CAPRIN1: variants seen among roughly 807,000 people sequenced by gnomAD.
CAPRIN1 encodes the protein caprin-1.
In CAPRIN1, 29 loss-of-function variants were observed where a neutral mutation model predicts 100.9. The observed-to-expected ratio is 0.29, with a 90% CI of 0.21 to 0.39. The LOEUF (loss-of-function observed/expected upper bound fraction) is 0.39, where lower values mean the gene tolerates loss of function less well. Ranked by LOEUF, CAPRIN1 falls within the 10% of genes least tolerant of loss-of-function variation. CAPRIN1 has a pLI of 1.00. For synonymous variants in CAPRIN1, 338 were observed against 307.5 expected, an observed-to-expected ratio of 1.10 and a Z score of -1.04; for missense variants, 795 against 876.7, an observed-to-expected ratio of 0.91 and a Z score of 1.18.
In CAPRIN1 at chr11:34,100,184, T is replaced by C. The variant is rs1387691300; in HGVS notation, c.*817T>C. 3 of 148,860 alleles carry C rather than the reference T, an allele frequency of 2.0e-5. No individual in the cohort carries two copies. The highest frequency in any genetic ancestry group is 5.2e-5 in the African/African-American group (2 of 38,272). The allele number at this position is 148,860 out of a possible 1,614,324, so 9.2% of individuals were successfully genotyped here. A position where few individuals can be genotyped will look rare whatever the true frequency, so the allele number is the denominator to read the frequency against. On this transcript the variant is annotated 3_prime_UTR_variant, in exon 19 of 19. Coordinates refer to ENST00000341394, the MANE Select transcript of CAPRIN1 (RefSeq NM_005898.5). Reference sequence around the variant, plus strand: ...CAATGACTTTTGTAAGGATTGGTACTATCTATCATTCCTTATGACATGTAC... The same window carrying C: ...CAATGACTTTTGTAAGGATTGGTACCATCTATCATTCCTTATGACATGTAC...
chr11:34,090,351 G>A (rs1320101657), intron 13 of CAPRIN1, 62 bp downstream of exon 13: 14 of 1,273,354 alleles, frequency 1.1e-5, no homozygotes, highest in Middle Eastern at 1.9e-4. Flanking sequence ...TTGAACAGAT[G>A]TACATTACCA....
chr11:34,082,657 T>G (rs1310758724), intron 7 of CAPRIN1, among the ~76,000 whole-genome samples, 168 bp from the exon 8 acceptor site: 1 of 152,206 alleles, frequency 6.6e-6, no homozygotes, highest in Non-Finnish European at 1.5e-5. Context: ...ACTGACACAT[T>G]ATTATCACCC....
intron 2 of CAPRIN1, among the ~76,000 whole-genome samples, chr11:34,070,669 T>C (rs1850789043): frequency 6.6e-6 from 1 of 152,040 alleles, no homozygotes; most frequent in African/African-American, 2.4e-5. Flanking sequence ...ATGCTGGGAT[T>C]ACAGGCAGGA....
At chr11:34,064,288 A>G (rs183997074) in intron 2 of CAPRIN1, among the ~76,000 whole-genome samples, 88 of 152,308 alleles carry the variant, frequency 5.8e-4, no homozygotes, top group Non-Finnish European at 7.4e-4. Flanking sequence ...GGATCTGTCA[A>G]TGTGACAAGC....
Position 34,099,616 on chromosome 11 carries a change from C to T in CAPRIN1, c.*249C>T. 1 of 497,018 alleles carries T rather than the reference C, an allele frequency of 2.0e-6. No individual in the cohort carries two copies. The highest frequency in any genetic ancestry group is 1.9e-5 in the African/African-American group (1 of 52,022). The allele number at this position is 497,018 out of a possible 1,614,324, so 30.8% of individuals were successfully genotyped here. Reference sequence around the variant, plus strand: ...GAGCCTTGCACATGATACTCAGATTCCTCACCCTTGCTTAGGAGTAAAACA... The same window carrying T: ...GAGCCTTGCACATGATACTCAGATTTCTCACCCTTGCTTAGGAGTAAAACA... On this transcript the variant is annotated 3_prime_UTR_variant, in exon 19 of 19. Transcript: ENST00000341394.
At chr11:34,068,365 A>G (rs1350726909) in intron 2 of CAPRIN1, among the ~76,000 whole-genome samples, 3 of 152,236 alleles carry the variant, frequency 2.0e-5, no homozygotes, top group Non-Finnish European at 4.4e-5. Context: ...AGCTCACTCA[A>G]GTACAATGGC....
intron 18 of CAPRIN1, chr11:34,099,044 T>C (rs1484735267): frequency 7.4e-7 from 1 of 1,356,926 alleles, no homozygotes; most frequent in Non-Finnish European, 9.5e-7. Context: ...TCAATAAATA[T>C]TTGTTGAATG....
rs779019927 is a variant in CAPRIN1, at chr11:34,086,363, C to G, written c.1181C>G (p.Pro394Arg). 1.2e-6 allele frequency: 2 copies of G among 1,613,974 alleles called. No homozygotes were observed. Among genetic ancestry groups the G allele is most frequent in the Admixed American group, 1.7e-5 (1 of 60,004 alleles). The part of the protein sequence containing the change: ...TLDPAIVSAQ[P>R]MNPTQNMDMP... ...GATCCTGCCATTGTATCTGCACAGC[C>G]TATGAATCCAACACAAAACATGGAC... The change falls in exon 11 of 19, where the codon CCT becomes CGT. Residue 394 changes from proline to arginine, a missense_variant. Transcript: ENST00000341394.
At chr11:34,095,942 A>AG (rs1456751170) in intron 15 of CAPRIN1, 1 of 152,228 alleles carries the variant, frequency 6.6e-6, no homozygotes, top group African/African-American at 2.4e-5. Context: ...TACAAGTCGA[A>AG]GGCCTCTGCT....
intron 16 of CAPRIN1, 49 bp downstream of exon 16, chr11:34,096,722 T>G: frequency 7.1e-7 from 1 of 1,410,960 alleles, no homozygotes. Context: ...TAGTTCAAAT[T>G]ATTTTTTGAT....
intron 11 of CAPRIN1, among the ~76,000 whole-genome samples, chr11:34,089,023 C>A (rs1426065932): frequency 6.6e-6 from 1 of 151,930 alleles, no homozygotes; most frequent in East Asian, 1.9e-4. Flanking sequence ...AATCCCAGCA[C>A]TTTGGGAGGC....
intron 2 of CAPRIN1, among the ~76,000 whole-genome samples, chr11:34,070,327 T>C (rs1850783601): frequency 6.6e-6 from 1 of 152,352 alleles, no homozygotes; most frequent in African/African-American, 2.4e-5. Context: ...GTAGCTATCT[T>C]GTTCAAGATA....
intron 2 of CAPRIN1, among the ~76,000 whole-genome samples, chr11:34,057,885 AT>A (rs1345303507): frequency 2.0e-5 from 3 of 148,816 alleles, no homozygotes; most frequent in East Asian, 2.0e-4. Context: ...CGCCCGGCTA[AT>A]TTTTTATATT....
intron 11 of CAPRIN1, 44 bp from the exon 12 acceptor site, chr11:34,089,351 A>C (rs1367963315): frequency 1.6e-6 from 2 of 1,266,918 alleles, no homozygotes; most frequent in Admixed American, 4.4e-5. Context: ...GTCTCTCTAA[A>C]AATTTAATTT....
chr11:34,079,617 C>T lies in CAPRIN1; in HGVS notation c.689-11C>T. The T allele has an allele frequency of 2.5e-6, 4 of 1,610,582 alleles. No homozygotes were observed. The highest frequency in any genetic ancestry group is 3.4e-6 in the Non-Finnish European group (4 of 1,177,388). The stretch of plus-strand genomic sequence containing the variant: ...TAAGTCTTACATTATAATTCATGTT[C>T]TTTTTCTTAGATAAAGTTCTAAAGG... On this transcript the variant is annotated splice_polypyrimidine_tract_variant and intron_variant, in intron 6 of 18. Transcript: ENST00000341394.
At chr11:34,055,631 C>G (rs957735057) in intron 2 of CAPRIN1, 1 of 152,142 alleles carries the variant, frequency 6.6e-6, no homozygotes, top group African/African-American at 2.4e-5. Flanking sequence ...CGGGCCTCCC[C>G]TAAAGTCATA....
chr11:34,077,723 C>T (rs554244253), intron 6 of CAPRIN1, among the ~76,000 whole-genome samples: 108 of 152,096 alleles, frequency 7.1e-4, no homozygotes, highest in Non-Finnish European at 1.4e-3. Flanking sequence ...GCTTTAATCA[C>T]CAAAATGGTA....
intron 11 of CAPRIN1, 49 bp downstream of exon 11, chr11:34,086,462 T>C (rs753529906): frequency 7.5e-6 from 8 of 1,070,216 alleles, no homozygotes; most frequent in Admixed American, 2.4e-5. Context: ...AGGCCAGTAC[T>C]TTCAGGTTTT....
In CAPRIN1 at chr11:34,100,778, T is replaced by C. The variant is rs529884094; in HGVS notation, c.*1411T>C. 6.5e-6 allele frequency: 1 copy of C among 152,758 alleles called. No homozygotes were observed. The highest frequency in any genetic ancestry group is 1.5e-5 in the Non-Finnish European group (1 of 68,022). The allele number at this position is 152,758 out of a possible 1,614,324, so 9.5% of individuals were successfully genotyped here. ...TAGTGACTTAGCCTTATGTACTCTGTTGGAATTTGTGCTAGCAGTTTGAGC... is the reference window on the plus strand; with the variant it reads ...TAGTGACTTAGCCTTATGTACTCTGCTGGAATTTGTGCTAGCAGTTTGAGC... On this transcript the variant is annotated 3_prime_UTR_variant, in exon 19 of 19. Transcript: ENST00000341394.
Sources: allele counts gnomAD v4.1 joint callset (sites outside exome capture counted in the v4.1 genomes callset), GRCh38; gene constraint gnomAD v4.1.1; transcripts MANE v1.5; gene names NCBI Gene and HGNC (gene_info 2026-07-23, HGNC 2026-07-21).